MRPS18A: variants seen among roughly 807,000 people sequenced by gnomAD.
MRPS18A encodes the protein mitochondrial ribosomal protein S18A.
In MRPS18A, 20 loss-of-function variants were observed where a neutral mutation model predicts 22.7. The observed-to-expected ratio is 0.88, with a 90% confidence interval of 0.62 to 1.28. The LOEUF is 1.28. MRPS18A is among the 50% of genes most tolerant of loss of function. MRPS18A has a pLI of 0.00. For missense variants in MRPS18A, 294 were observed against 262.6 expected, an observed-to-expected ratio of 1.12 and a Z score of -0.83; for synonymous variants, 106 against 99.1, an observed-to-expected ratio of 1.07 and a Z score of -0.41.
At position 43,676,965 on chromosome 6, in the gene MRPS18A, G is replaced by A. The variant is rs563901032; in HGVS notation, c.253-1348C>T. On this transcript the variant is annotated intron_variant, in intron 3 of 5. Transcript: ENST00000372133. ...CCCTCCACCCTAGGCTGCCAAGCAA[G>A]CTAACAGCTTTGTGCAGCTCAGGAT... Among the ~76,000 whole-genome samples, 6 of 152,358 alleles carry A rather than the reference G, an allele frequency of 3.9e-5. No individual in the cohort carries two copies. The South Asian group carries it at 1.2e-3, about 32-fold the overall frequency.
chr6:43,674,749 T>G (rs953819307), intron 5 of MRPS18A, among the ~76,000 whole-genome samples: 1 of 152,184 alleles, frequency 6.6e-6, no homozygotes, highest in Non-Finnish European at 1.5e-5. Flanking sequence ...TGGGGAGCAC[T>G]ATTTGTGACC....
intron 5 of MRPS18A, chr6:43,672,483 C>A (rs1256833647): frequency 2.1e-6 from 1 of 468,272 alleles, no homozygotes; most frequent in African/African-American, 2.0e-5. Context: ...TGGCTGCCGC[C>A]CATGGACCTT....
At chr6:43,674,116 C>G (rs780597424) in intron 5 of MRPS18A, among the ~76,000 whole-genome samples, 3 of 152,180 alleles carry the variant, frequency 2.0e-5, no homozygotes, top group Non-Finnish European at 4.4e-5. Flanking sequence ...TAGAGATGGG[C>G]ACACAGCCAG....
Position 43,682,180 on chromosome 6 carries a change from T to C in MRPS18A, c.113-1060A>G, listed in dbSNP as rs141791096. 6.8e-3 allele frequency among the ~76,000 whole-genome samples: 1,038 copies of C among 152,276 alleles called. 15 individuals carry two copies. Among genetic ancestry groups the C allele is most frequent in the African/African-American group, 0.024 (1,005 of 41,526 alleles). On this transcript the variant is annotated intron_variant, in intron 1 of 5. Transcript: ENST00000372133. The stretch of plus-strand genomic sequence containing the variant: ...CAGGCATGGTGGCATGCACTTGTAA[T>C]CCCAGCTACTTGGGAAGGTGATGTG...
rs777497866 is a variant in MRPS18A at position 43,675,175 on chromosome 6, A to C, written c.446+27T>G. The C allele has an allele frequency of 4.7e-6, 7 of 1,503,074 alleles. 1 individual carries two copies. In the South Asian group the frequency reaches 9.6e-5, roughly 21 times the overall value. The allele number at this position is 1,503,074 out of a possible 1,614,324, so 93.1% of individuals were successfully genotyped here. On this transcript the variant is annotated intron_variant, in intron 5 of 5. Coordinates refer to ENST00000372133, the MANE Select transcript of MRPS18A (RefSeq NM_018135.4). ...TAGTTTTCCTGAGCGCAGAACGCTC[A>C]GGTTGTTCACACCCAGGCTTGCTTA...
At position 43,671,407 on chromosome 6, in the gene MRPS18A, C is replaced by T. The variant is rs1206606838; in HGVS notation, c.*355G>A. 1 of 407,946 alleles carries T rather than the reference C, an allele frequency of 2.5e-6. No individual in the cohort carries two copies. The highest frequency in any genetic ancestry group is 5.2e-5 in the East Asian group (1 of 19,084). The allele number at this position is 407,946 out of a possible 1,614,324, so 25.3% of individuals were successfully genotyped here. A position where few individuals can be genotyped will look rare whatever the true frequency, so the allele number is the denominator to read the frequency against. On this transcript the variant is annotated 3_prime_UTR_variant, in exon 6 of 6. Coordinates refer to ENST00000372133, the MANE Select transcript of MRPS18A (RefSeq NM_018135.4). ...TGCTCAGCACCCAGCTGGCAATGTG[C>T]CCAGGACCCCCTGCACTTCCCAAGC... is the stretch of plus-strand genomic sequence containing the variant.
At chr6:43,675,755 T>G (rs1167667294) in intron 3 of MRPS18A, 138 bp from the exon 4 acceptor site, 2 of 998,306 alleles carry the variant, frequency 2.0e-6, no homozygotes, top group African/African-American at 3.3e-5. Context: ...CACAGAGCTT[T>G]GCACATGGGT....
chr6:43,677,995 C>A (rs897111508), intron 3 of MRPS18A, among the ~76,000 whole-genome samples: 7 of 152,122 alleles, frequency 4.6e-5, no homozygotes, highest in Admixed American at 1.3e-4. Flanking sequence ...TTCAAATACA[C>A]CCTCATCATA....
Position 43,675,480 on chromosome 6 carries a change from C to T in MRPS18A, c.376+14G>A. 2 of 1,614,174 alleles carry T rather than the reference C, an allele frequency of 1.2e-6. No individual in the cohort carries two copies. Among genetic ancestry groups the T allele is most frequent in the African/African-American group, 1.3e-5 (1 of 75,038 alleles). On this transcript the variant is annotated intron_variant, in intron 4 of 5. Coordinates refer to ENST00000372133, the MANE Select transcript of MRPS18A (RefSeq NM_018135.4). Reference sequence around the variant, plus strand: ...TGCAGCCCTCTGCCCCTCTTGGTCCCCAGGGCCTTCTACCTGCTCGGTGGG... The same window carrying T: ...TGCAGCCCTCTGCCCCTCTTGGTCCTCAGGGCCTTCTACCTGCTCGGTGGG...
intron 4 of MRPS18A, 101 bp from the exon 5 acceptor site, chr6:43,675,372 G>A: frequency 1.3e-6 from 2 of 1,591,010 alleles, no homozygotes; most frequent in East Asian, 2.2e-5. Flanking sequence ...GCATTGGGTG[G>A]TGAGTATAAT....
At chr6:43,685,015 G>T (rs891192573) in intron 1 of MRPS18A, among the ~76,000 whole-genome samples, 2 of 152,168 alleles carry the variant, frequency 1.3e-5, no homozygotes, top group Non-Finnish European at 2.9e-5. Flanking sequence ...TTTCAGGGAA[G>T]GAGGGAACAA....
At chr6:43,672,213 C>A in intron 5 of MRPS18A, 2 of 469,038 alleles carry the variant, frequency 4.3e-6, no homozygotes, top group South Asian at 4.2e-5. Context: ...GGCGAAGAGG[C>A]TGCCTGAAGA....
chr6:43,685,305 G>C (rs995428381), intron 1 of MRPS18A, among the ~76,000 whole-genome samples: 5 of 152,218 alleles, frequency 3.3e-5, no homozygotes, highest in African/African-American at 1.2e-4. Context: ...CTTCAGTCTT[G>C]CTTTTCCCAT....
rs187081087 is a variant in MRPS18A at position 43,687,770 on chromosome 6, G to A, written c.10C>T (p.Leu4Phe). 3.2e-6 allele frequency: 5 copies of A among 1,574,938 alleles called. No individual in the cohort carries two copies. The highest frequency in any genetic ancestry group is 2.3e-5 in the South Asian group (2 of 86,080). The change falls in exon 1 of 6, where the codon CTC becomes TTC. Residue 4 changes from leucine to phenylalanine, a missense_variant. Transcript: ENST00000372133. Reference protein sequence around the residue: MAALKALVSGCGRL... With the variant: MAAFKALVSGCGRL... Reference sequence around the variant, plus strand: ...CCACAGCCGGACACCAGAGCCTTGAGGGCCGCCATCTTCAAAAACCTACCC... The same window carrying A: ...CCACAGCCGGACACCAGAGCCTTGAAGGCCGCCATCTTCAAAAACCTACCC...
chr6:43,672,478 G>T (rs568013540), intron 5 of MRPS18A: 3 of 468,848 alleles, frequency 6.4e-6, no homozygotes, highest in South Asian at 4.7e-5. Context: ...AAAGATGGCT[G>T]CCGCCCATGG....
At chr6:43,678,653 TGA>T in intron 2 of MRPS18A, 28 bp from the exon 3 acceptor site, 2 of 1,533,720 alleles carry the variant, frequency 1.3e-6, no homozygotes, top group Non-Finnish European at 1.8e-6. Context: ...TGAGCCAGTG[TGA>T]GAGACAGGAC....
intron 1 of MRPS18A, among the ~76,000 whole-genome samples, chr6:43,686,900 C>T (rs16896658): frequency 0.27 from 40,985 of 152,154 alleles, 10,207 homozygotes; most frequent in African/African-American, 0.66. Flanking sequence ...CTGGGTTTGC[C>T]GTTTCCAGTA....
At chr6:43,678,349 T>C (rs1774177822) in intron 3 of MRPS18A, 169 bp downstream of exon 3, 1 of 556,570 alleles carries the variant, frequency 1.8e-6, no homozygotes, top group Non-Finnish European at 3.3e-6. Context: ...GCTCCCCAGG[T>C]GATTCTAATG....
intron 1 of MRPS18A, among the ~76,000 whole-genome samples, chr6:43,685,451 G>A (rs1774645613): frequency 6.6e-6 from 1 of 152,078 alleles, no homozygotes; most frequent in African/African-American, 2.4e-5. Context: ...GTTTAGCAGC[G>A]TCCCTCGCCT....
Sources: allele counts gnomAD v4.1 joint callset (sites outside exome capture counted in the v4.1 genomes callset), GRCh38; gene constraint gnomAD v4.1.1; transcripts MANE v1.5; gene names NCBI Gene and HGNC (gene_info 2026-07-23, HGNC 2026-07-21).